The following SLC10A4 variants were observed in gnomAD, a reference collection of about 807,000 sequenced individuals.
SLC10A4 encodes putative sodium/bile acid cotransporter 4.
SLC10A4 carries 17 observed loss-of-function variants against 22.5 expected under a neutral mutation model. The observed-to-expected ratio is 0.76, with a 90% CI of 0.52 to 1.14. SLC10A4 has a LOEUF of 1.14. SLC10A4 is among the 50% of genes most tolerant of loss of function. The pLI, the probability that SLC10A4 is intolerant of heterozygous loss-of-function variation, is 0.00. For synonymous variants in SLC10A4, 257 were observed against 258.2 expected, an observed-to-expected ratio of 1.00 and a Z score of 0.04; for missense variants, 548 against 584.0, an observed-to-expected ratio of 0.94 and a Z score of 0.64.
At chr4:48,487,276 T>TA (rs35738962) in intron 2 of SLC10A4, among the ~76,000 whole-genome samples, 1 of 152,110 alleles carries the variant, frequency 6.6e-6, no homozygotes, top group South Asian at 2.1e-4. Flanking sequence ...CATGAACAAA[T>TA]AAAAAAGGGG....
Position 48,483,766 on chromosome 4 carries a change from A to G in SLC10A4, c.205A>G (p.Thr69Ala), listed in dbSNP as rs1314354563. The change falls in exon 1 of 3, where the codon ACG (threonine) becomes GCG (alanine). Residue 69 changes from threonine (T) to alanine (A), a missense_variant. Thr to Ala is a moderately conservative substitution (Grantham distance 58, BLOSUM62 0). This residue lies in a region of SLC10A4 where 225 missense variants were observed against 206.9 expected (regional missense o/e 1.09). Coordinates refer to ENST00000273861, the MANE Select transcript of SLC10A4 (RefSeq NM_152679.4). This position sits in a 1 kb window ranked among gnomAD's most constrained non-coding sequence, Gnocchi z 5.4. ...SPGPTPTPEP[T>A]TSGLAGGAAS... ...CGGCCCCACTCCGACCCCGGAGCCC[A>G]CGACCAGCGGCCTCGCGGGCGGCGC... 2.0e-6 allele frequency: 3 copies of G among 1,485,336 alleles called. No homozygotes were observed. The highest frequency in any genetic ancestry group is 2.7e-6 in the Non-Finnish European group (3 of 1,123,358). 92.0% of individuals were successfully genotyped at this position (1,485,336 alleles called of 1,614,324 possible).
At position 48,483,745 on chromosome 4, in the gene SLC10A4, C is replaced by T. The variant is rs1299232817; in HGVS notation, c.184C>T (p.Pro62Ser). 6 of 1,465,450 alleles carry T rather than the reference C, an allele frequency of 4.1e-6. No individual in the cohort carries two copies. The highest frequency in any genetic ancestry group is 5.4e-6 in the Non-Finnish European group (6 of 1,113,736). The allele number at this position is 1,465,450 out of a possible 1,614,324, so 90.8% of individuals were successfully genotyped here. The change falls in exon 1 of 3, where the codon CCC becomes TCC. Residue 62 changes from proline (P) to serine (S), a missense_variant. Physicochemically the swap from Pro to Ser is moderately conservative, Grantham distance 74. Around this residue, in one of 3 missense-constraint regions of SLC10A4, gnomAD observed 225 missense variants for 206.9 expected, o/e 1.09. Transcript: ENST00000273861. The surrounding 1 kb of genome is among the most constrained non-coding windows in gnomAD (Gnocchi z 5.4). Reference protein sequence around the residue: ...PGPSFGFSPGPTPTPEPTTSG... With the variant: ...PGPSFGFSPGSTPTPEPTTSG... ...TCCGAGCTTCGGCTTCAGCCCCGGC[C>T]CCACTCCGACCCCGGAGCCCACGAC...
Position 48,483,964 on chromosome 4 carries a change from C to T in SLC10A4, c.403C>T (p.Arg135Trp). The T allele has an allele frequency of 3.2e-6, 5 of 1,548,764 alleles. No homozygotes were observed. The highest frequency in any genetic ancestry group is 1.9e-5 in the Admixed American group (1 of 51,734). The stretch of plus-strand genomic sequence containing the variant: ...GAACCACTTCGGGGCGCACGTCCGT[C>T]GGCCCGTGGGCGCGCTGCTGGCAGC... The part of the protein sequence containing the change: ...DVNHFGAHVR[R>W]PVGALLAALC... Residue 135 changes from arginine to tryptophan, a missense_variant, in exon 1 of 3, where the codon CGG (arginine) becomes TGG (tryptophan). By Grantham distance (101) the Arg-to-Trp change is moderately radical. This residue lies in a region of SLC10A4 where 225 missense variants were observed against 206.9 expected (regional missense o/e 1.09). Coordinates refer to ENST00000273861, the MANE Select transcript of SLC10A4 (RefSeq NM_152679.4). The surrounding 1 kb of genome is among the most constrained non-coding windows in gnomAD (Gnocchi z 5.4).
chr4:48,488,209 G>A (rs1333695925), intron 2 of SLC10A4, among the ~76,000 whole-genome samples: 1 of 150,530 alleles, frequency 6.6e-6, no homozygotes, highest in East Asian at 2.0e-4. Context: ...AAGGCAAATT[G>A]TCCCTGGACA....
intron 2 of SLC10A4, among the ~76,000 whole-genome samples, chr4:48,488,065 G>A (rs1373606112): frequency 6.6e-6 from 1 of 151,616 alleles, no homozygotes; most frequent in Non-Finnish European, 1.5e-5. Flanking sequence ...GCCTCCCAAA[G>A]TGCTGGGATT....
At chr4:48,485,487 GATTAA>G (rs1159194353) in intron 2 of SLC10A4, among the ~76,000 whole-genome samples, 1 of 144,220 alleles carries the variant, frequency 6.9e-6, no homozygotes, top group Non-Finnish European at 1.5e-5. Context: ...CATAAAAGCA[GATTAA>G]ATAAAATTAC....
At chr4:48,488,017 T>TG (rs914751096) in intron 2 of SLC10A4, among the ~76,000 whole-genome samples, 24 of 151,838 alleles carry the variant, frequency 1.6e-4, no homozygotes, top group African/African-American at 5.6e-4. Context: ...TTGGCCAGCC[T>TG]GGTCTTCAAC....
rs1718340853 is a variant in SLC10A4, at chr4:48,489,050, G to A, written c.*111G>A. The A allele has an allele frequency of 8.0e-7, 1 of 1,247,772 alleles. No homozygotes were observed. Among genetic ancestry groups the A allele is most frequent in the Non-Finnish European group, 1.1e-6 (1 of 904,058 alleles). 77.3% of individuals were successfully genotyped at this position (1,247,772 alleles called of 1,614,324 possible). On this transcript the variant is annotated 3_prime_UTR_variant, in exon 3 of 3. Coordinates refer to ENST00000273861, the MANE Select transcript of SLC10A4 (RefSeq NM_152679.4). Reference sequence around the variant, plus strand: ...GATAACACTGGTTCACATCATACATGTAACAATTCTGATCTTTTTAAGGTT... The same window carrying A: ...GATAACACTGGTTCACATCATACATATAACAATTCTGATCTTTTTAAGGTT...
rs765378502 is a variant in SLC10A4 at position 48,485,092 on chromosome 4, G to T, written c.751G>T (p.Gly251Cys). The T allele has an allele frequency of 6.2e-7, 1 of 1,614,054 alleles. No homozygotes were observed. The highest frequency in any genetic ancestry group is 8.5e-7 in the Non-Finnish European group (1 of 1,180,016). Residue 251 changes from glycine (G) to cysteine (C), a missense_variant, in exon 2 of 3, where the codon GGC (glycine) becomes TGC (cysteine). Gly to Cys is a radical substitution (Grantham distance 159). Around this residue, in one of 3 missense-constraint regions of SLC10A4, gnomAD observed 314 missense variants for 353.2 expected, o/e 0.89. Transcript: ENST00000273861. ...LCSTLIPIGL[G>C]VFIRYKYSRV... ...CAGCACTCTCATACCTATCGGGTTG[G>T]GCGTCTTCATTCGCTACAAATACAG...
At chr4:48,486,250 A>G (rs899391841) in intron 2 of SLC10A4, among the ~76,000 whole-genome samples, 1 of 152,108 alleles carries the variant, frequency 6.6e-6, no homozygotes, top group Non-Finnish European at 1.5e-5. Flanking sequence ...AGGCTTGAGT[A>G]AAAGAAATCC....
intron 1 of SLC10A4, among the ~76,000 whole-genome samples, chr4:48,484,616 G>T (rs1718248421): frequency 6.6e-6 from 1 of 152,214 alleles, no homozygotes; most frequent in African/African-American, 2.4e-5. Context: ...CTTTACCATG[G>T]CTTACCTTGC....
At chr4:48,484,194 C>T in intron 1 of SLC10A4, 43 bp downstream of exon 1, 3 of 1,497,456 alleles carry the variant, frequency 2.0e-6, no homozygotes, top group South Asian at 2.6e-5. Flanking sequence ...TCATCCCAGA[C>T]GCGCGTTTAC....
chr4:48,487,480 C>A (rs1360715405), intron 2 of SLC10A4, among the ~76,000 whole-genome samples: 2 of 152,160 alleles, frequency 1.3e-5, no homozygotes, highest in Admixed American at 1.3e-4. Flanking sequence ...AAAATGAGAA[C>A]TAATTTCTTA....
intron 2 of SLC10A4, among the ~76,000 whole-genome samples, chr4:48,486,876 T>A (rs1246606247): frequency 6.6e-6 from 1 of 152,148 alleles, no homozygotes; most frequent in Non-Finnish European, 1.5e-5. Context: ...TCCTCTAGGG[T>A]AGAATTTGTG....
rs748291777 is a variant in SLC10A4 at position 48,483,532 on chromosome 4, G to T, written c.-30G>T. The T allele has an allele frequency of 1.4e-6, 2 of 1,477,108 alleles. No homozygotes were observed. The highest frequency in any genetic ancestry group is 1.3e-5 in the South Asian group (1 of 78,370). The allele number at this position is 1,477,108 out of a possible 1,614,324, so 91.5% of individuals were successfully genotyped here. A position where few individuals can be genotyped will look rare whatever the true frequency, so the allele number is the denominator to read the frequency against. On this transcript the variant is annotated 5_prime_UTR_variant, in exon 1 of 3. Coordinates refer to ENST00000273861, the MANE Select transcript of SLC10A4 (RefSeq NM_152679.4). The surrounding 1 kb of genome is among the most constrained non-coding windows in gnomAD (Gnocchi z 5.4). ...GACGGCGAGAGGCACGCGGCGGGAG[G>T]GGACCGGAATCCGCAGCTCCGGCCG...
Position 48,484,047 on chromosome 4 carries a change from G to A in SLC10A4, c.486G>A (p.Lys162=), listed in dbSNP as rs756154796. The change falls in exon 1 of 3, where the codon AAG becomes AAA. Residue 162 remains lysine (K), a synonymous_variant. Coordinates refer to ENST00000273861, the MANE Select transcript of SLC10A4 (RefSeq NM_152679.4). ...CCTTCCTGCTGGCCCTCGCCTTCAA[G>A]CTGGACGAGGTGGCCGCCGTGGCGG... is the stretch of plus-strand genomic sequence containing the variant. The part of the protein sequence containing the change: ...LLAFLLALAF[K]LDEVAAVAVL... The A allele has an allele frequency of 1.9e-6, 3 of 1,602,104 alleles. No individual in the cohort carries two copies. The Admixed American group carries it at 5.0e-5, about 27-fold the overall frequency.
chr4:48,483,883 T>C lies in SLC10A4; in HGVS notation c.322T>C (p.Phe108Leu). The change falls in exon 1 of 3, where the codon TTC becomes CTC. Residue 108 changes from phenylalanine (F) to leucine (L), a missense_variant. Physicochemically the swap from Phe to Leu is conservative, Grantham distance 22 (BLOSUM62 0). Coordinates refer to ENST00000273861, the MANE Select transcript of SLC10A4 (RefSeq NM_152679.4). The surrounding 1 kb of genome is among the most constrained non-coding windows in gnomAD (Gnocchi z 5.4). ...DTPLNHGLNV[F>L]VGAALCITML... ...GCCGCTGAACCACGGGCTGAACGTG[T>C]TCGTGGGCGCCGCCCTGTGCATCAC... The C allele has an allele frequency of 6.5e-7, 1 of 1,544,172 alleles. No individual in the cohort carries two copies. The highest frequency in any genetic ancestry group is 8.7e-7 in the Non-Finnish European group (1 of 1,146,376).
Position 48,488,806 on chromosome 4 carries a change from A to G in SLC10A4, c.1181A>G (p.Asp394Gly). The change falls in exon 3 of 3, where the codon GAT (aspartate) becomes GGT (glycine). Residue 394 changes from aspartate (D) to glycine (G), a missense_variant. Asp to Gly is a moderately conservative substitution (Grantham distance 94, BLOSUM62 -1). Transcript: ENST00000273861. ...MYGSEMLHKR[D>G]PLDEDEDTDI... ...GGAAGTGAAATGTTGCACAAGCGAG[A>G]TCCTCTAGATGAAGATGAAGATACA... is the stretch of plus-strand genomic sequence containing the variant. The G allele has an allele frequency of 6.2e-7, 1 of 1,614,066 alleles. No homozygotes were observed. The highest frequency in any genetic ancestry group is 8.5e-7 in the Non-Finnish European group (1 of 1,180,032).
At chr4:48,488,113 G>T (rs1036929710) in intron 2 of SLC10A4, among the ~76,000 whole-genome samples, 11 of 150,696 alleles carry the variant, frequency 7.3e-5, no homozygotes, top group Middle Eastern at 3.2e-3. Flanking sequence ...GAAAAGCTGG[G>T]TTTTTTTGTT....
Sources: gnomAD v4.1 joint callset for allele counts (sites outside exome capture counted in the v4.1 genomes callset) on GRCh38, gnomAD v4.1.1 for gene constraint, gnomAD v4.1.1 regional missense constraint, Gnocchi (gnomAD v3.1) non-coding constraint, MANE v1.5 for transcripts, NCBI Gene and HGNC (gene_info 2026-07-23, HGNC 2026-07-21) for gene names.